The following CC2D2A variants were observed in gnomAD, a reference collection of about 807,000 sequenced individuals.
The protein encoded by CC2D2A is coiled-coil and C2 domain containing 2A.
A neutral mutation model predicts 212.9 loss-of-function variants in CC2D2A; 155 were observed. The ratio of observed to expected loss-of-function variants is 0.73; its 90% CI spans 0.64 to 0.83. The LOEUF (loss-of-function observed/expected upper bound fraction) is 0.83. Ranked by LOEUF, CC2D2A falls within the 40% of genes least tolerant of loss-of-function variation. CC2D2A has a pLI of 0.00. For synonymous variants in CC2D2A, 667 were observed against 686.5 expected (o/e 0.97, Z 0.44); for missense variants, 1,856 against 1,956.2 (o/e 0.95, Z 0.97).
intron 24 of CC2D2A, among the ~76,000 whole-genome samples, chr4:15,566,798 C>T (rs1412662234): frequency 6.6e-6 from 1 of 152,000 alleles, no homozygotes; most frequent in Non-Finnish European, 1.5e-5. Context: ...ATCCTGAGAC[C>T]TCTGGTCCCT....
chr4:15,522,945 C>T (rs1057464039), intron 11 of CC2D2A, among the ~76,000 whole-genome samples: 20 of 151,926 alleles, frequency 1.3e-4, no homozygotes, highest in African/African-American at 4.6e-4. Flanking sequence ...ATGGTGAAAC[C>T]CGTCTCTACT....
intron 35 of CC2D2A, among the ~76,000 whole-genome samples, chr4:15,597,701 G>A (rs951859117): frequency 8.5e-5 from 13 of 152,192 alleles, no homozygotes; most frequent in Admixed American, 7.9e-4. Context: ...TACTTCTACA[G>A]GGACTTCACC....
At chr4:15,472,343 T>C (rs1713887563) in intron 1 of CC2D2A, among the ~76,000 whole-genome samples, 1 of 152,190 alleles carries the variant, frequency 6.6e-6, no homozygotes, top group African/African-American at 2.4e-5. Flanking sequence ...CAGTAAATCA[T>C]AGCTATTTTG....
chr4:15,508,173 A>G (rs1310596030), intron 6 of CC2D2A, among the ~76,000 whole-genome samples: 2 of 152,176 alleles, frequency 1.3e-5, no homozygotes, highest in Non-Finnish European at 2.9e-5. Flanking sequence ...GACAATTCTG[A>G]GAAGCAGTCT....
intron 33 of CC2D2A, among the ~76,000 whole-genome samples, chr4:15,594,678 T>C (rs1156931289): frequency 1.3e-5 from 2 of 152,090 alleles, no homozygotes; most frequent in African/African-American, 4.8e-5. Context: ...TCTCTTTTAG[T>C]GGGAGGAACT....
intron 4 of CC2D2A, among the ~76,000 whole-genome samples, chr4:15,490,085 C>T (rs1035578201): frequency 6.6e-6 from 1 of 152,112 alleles, no homozygotes; most frequent in East Asian, 1.9e-4. Context: ...AATATGCAAC[C>T]GCGTACTCAA....
chr4:15,477,365 G>T (rs1188707292), intron 2 of CC2D2A, among the ~76,000 whole-genome samples: 1 of 150,294 alleles, frequency 6.7e-6, no homozygotes, highest in Non-Finnish European at 1.5e-5. Flanking sequence ...ATTTATATTT[G>T]CTTATTCATT....
chr4:15,559,291 G>C (rs1719447502), intron 22 of CC2D2A, 34 bp downstream of exon 22: 4 of 1,378,374 alleles, frequency 2.9e-6, no homozygotes, highest in Non-Finnish European at 1.0e-6. Context: ...TCTTCATAGG[G>C]AGAAAAGAGC....
chr4:15,588,002 C>A, intron 32 of CC2D2A, 73 bp downstream of exon 32: 1 of 799,604 alleles, frequency 1.3e-6, no homozygotes, highest in Non-Finnish European at 2.0e-6. Context: ...AGATCACACA[C>A]AGGACATATT....
In CC2D2A at chr4:15,550,987, A is replaced by C; in HGVS notation, c.2338+7A>C. The C allele has an allele frequency of 6.3e-7, 1 of 1,576,016 alleles. No homozygotes were observed. The highest frequency in any genetic ancestry group is 8.7e-7 in the Non-Finnish European group (1 of 1,151,142). Reference sequence around the variant, plus strand: ...CACGAGGGAGTTGGAAGTGGTATGGAAAGCTAATATCTTCAATGGTTCACT... The same window carrying C: ...CACGAGGGAGTTGGAAGTGGTATGGCAAGCTAATATCTTCAATGGTTCACT... On this transcript the variant is annotated splice_region_variant and intron_variant, in intron 18 of 36. Transcript: ENST00000424120.
At chr4:15,504,486 C>T (rs899800932) in intron 6 of CC2D2A, among the ~76,000 whole-genome samples, 2 of 152,132 alleles carry the variant, frequency 1.3e-5, no homozygotes, top group African/African-American at 4.8e-5. Flanking sequence ...GGCTAAGTGA[C>T]AGGAGGTTCA....
At chr4:15,472,647 G>GTTTTTTTT (rs35304734) in intron 1 of CC2D2A, among the ~76,000 whole-genome samples, 1 of 138,842 alleles carries the variant, frequency 7.2e-6, no homozygotes, top group African/African-American at 2.6e-5. Context: ...TGTTTCACAG[G>GTTTTTTTT]TTTTTTTTTT....
At chr4:15,480,320 T>C (rs910464163) in intron 3 of CC2D2A, among the ~76,000 whole-genome samples, 2 of 152,092 alleles carry the variant, frequency 1.3e-5, no homozygotes, top group African/African-American at 4.8e-5. Context: ...GTCCAAAGGG[T>C]GGACTAAATA....
At chr4:15,594,200 CAT>C (rs1346978621) in intron 33 of CC2D2A, among the ~76,000 whole-genome samples, 11 of 152,120 alleles carry the variant, frequency 7.2e-5, no homozygotes, top group Non-Finnish European at 2.9e-5. Context: ...TGGATATCAT[CAT>C]AGATTTCTCC....
At chr4:15,518,183 T>C (rs1218274626) in intron 11 of CC2D2A, among the ~76,000 whole-genome samples, 1 of 152,188 alleles carries the variant, frequency 6.6e-6, no homozygotes, top group African/African-American at 2.4e-5. Context: ...CATTTCAGCA[T>C]CAACTCAAAA....
At chr4:15,562,162 C>T (rs1051198270) in intron 23 of CC2D2A, among the ~76,000 whole-genome samples, 18 of 152,220 alleles carry the variant, frequency 1.2e-4, no homozygotes, top group Admixed American at 1.0e-3. Context: ...TCAGCAGCGC[C>T]TAGACAGGAG....
intron 11 of CC2D2A, among the ~76,000 whole-genome samples, chr4:15,526,525 T>G (rs1281036761): frequency 6.6e-6 from 1 of 152,198 alleles, no homozygotes; most frequent in East Asian, 1.9e-4. Context: ...GATTAGAATT[T>G]TTACACTTTT....
intron 4 of CC2D2A, among the ~76,000 whole-genome samples, chr4:15,485,798 C>A (rs1280088645): frequency 6.6e-6 from 1 of 151,938 alleles, no homozygotes; most frequent in African/African-American, 2.4e-5. Context: ...ATGTTTTTTG[C>A]CTATTTTTAA....
chr4:15,487,761 A>C (rs1456031838), intron 4 of CC2D2A, among the ~76,000 whole-genome samples: 3 of 148,552 alleles, frequency 2.0e-5, no homozygotes, highest in African/African-American at 7.4e-5. Flanking sequence ...CTTAGTGTAT[A>C]AGTGATTTTC....
Sources: gnomAD v4.1 joint callset for allele counts (sites outside exome capture counted in the v4.1 genomes callset) on GRCh38, gnomAD v4.1.1 for gene constraint, MANE v1.5 for transcripts, NCBI Gene and HGNC (gene_info 2026-07-23, HGNC 2026-07-21) for gene names.